Variants in CDH19 observed in about 807,000 individuals in gnomAD.
CDH19 encodes the protein cadherin 19, also known as cadherin-19.
CDH19 carries 67 observed loss-of-function variants against 64.2 expected under a neutral mutation model. The ratio of observed to expected loss-of-function variants is 1.04; its 90% confidence interval spans 0.86 to 1.28. The LOEUF (loss-of-function observed/expected upper bound fraction) is 1.28, where lower values mean the gene tolerates loss of function less well. Ranked by LOEUF, CDH19 falls within the 50% of genes most tolerant of loss-of-function variation. CDH19 has a pLI of 0.00. For missense variants in CDH19, 1,030 were observed against 929.0 expected (o/e 1.11, Z -1.41); for synonymous variants, 346 against 319.3 (o/e 1.08, Z -0.89).
At chr18:66,525,082 G>A (rs1185704224) in intron 9 of CDH19, among the ~76,000 whole-genome samples, 1 of 151,964 alleles carries the variant, frequency 6.6e-6, no homozygotes, top group Non-Finnish European at 1.5e-5. Flanking sequence ...TGTCCTAATG[G>A]TGTAGACATT....
intron 9 of CDH19, among the ~76,000 whole-genome samples, chr18:66,525,838 A>G (rs1986200633): frequency 6.6e-6 from 1 of 152,058 alleles, no homozygotes; most frequent in African/African-American, 2.4e-5. Context: ...GGACTGAGAC[A>G]GACTTCCAGA....
chr18:66,558,544 T>C (rs1048148142), intron 3 of CDH19, among the ~76,000 whole-genome samples: 5 of 151,894 alleles, frequency 3.3e-5, no homozygotes, highest in Non-Finnish European at 5.9e-5. Flanking sequence ...CATAAAGAGA[T>C]CACAATAATA....
chr18:66,578,754 T>A (rs1988338340), intron 1 of CDH19, among the ~76,000 whole-genome samples: 1 of 151,894 alleles, frequency 6.6e-6, no homozygotes, highest in Admixed American at 6.6e-5. Flanking sequence ...AAGTCAAATG[T>A]CTATCAACAA....
intron 9 of CDH19, among the ~76,000 whole-genome samples, chr18:66,528,390 T>C (rs1391870948): frequency 6.6e-6 from 1 of 152,132 alleles, no homozygotes; most frequent in African/African-American, 2.4e-5. Flanking sequence ...ATTTCTAAAA[T>C]AGTTCAATTT....
At chr18:66,537,212 A>G (rs1986708044) in intron 7 of CDH19, among the ~76,000 whole-genome samples, 1 of 151,918 alleles carries the variant, frequency 6.6e-6, no homozygotes, top group Admixed American at 6.6e-5. Flanking sequence ...GTAGAATCCA[A>G]TACGGCCTTT....
chr18:66,509,078 C>T lies in CDH19; in HGVS notation c.1745G>A (p.Cys582Tyr), dbSNP rs748560534. ...GGAAAGCACAAGCTCCTGGTACTGGCAGGTCTGTGTGCTCCCACTGTCACC... is the reference window on the plus strand; with the variant it reads ...GGAAAGCACAAGCTCCTGGTACTGGTAGGTCTGTGTGCTCCCACTGTCACC... ...DCGDSGSTQT[C>Y]QYQELVLSMG... The change falls in exon 11 of 12, where the codon TGC (cysteine) becomes TAC (tyrosine). Residue 582 changes from cysteine (C) to tyrosine (Y), a missense_variant. Cys to Tyr is a radical substitution (Grantham distance 194). Coordinates refer to ENST00000262150, the MANE Select transcript of CDH19 (RefSeq NM_021153.4). The T allele has an allele frequency of 6.2e-7, 1 of 1,612,676 alleles. No homozygotes were observed. The highest frequency in any genetic ancestry group is 1.3e-5 in the African/African-American group (1 of 74,786).
At chr18:66,565,855 C>T (rs1392789964) in intron 3 of CDH19, among the ~76,000 whole-genome samples, 1 of 151,910 alleles carries the variant, frequency 6.6e-6, no homozygotes, top group Non-Finnish European at 1.5e-5. Flanking sequence ...ACAAAGTGCT[C>T]ATTAGTTCTT....
At chr18:66,528,548 T>C (rs1464405738) in intron 9 of CDH19, among the ~76,000 whole-genome samples, 1 of 152,184 alleles carries the variant, frequency 6.6e-6, no homozygotes, top group African/African-American at 2.4e-5. Context: ...ATTCTATTAC[T>C]GTTTTCAAAA....
At chr18:66,552,191 C>T (rs1987368344) in intron 4 of CDH19, among the ~76,000 whole-genome samples, 2 of 151,880 alleles carry the variant, frequency 1.3e-5, no homozygotes. Flanking sequence ...TAAACTTGCA[C>T]ATTTACGCCC....
At position 66,501,852 on chromosome 18, in the gene CDH19, A is replaced by G. The variant is rs142919788; in HGVS notation, c.*2960T>C. 5.5e-4 allele frequency: 84 copies of G among 152,246 alleles called. No individual in the cohort carries two copies. Among genetic ancestry groups the G allele is most frequent in the African/African-American group, 1.9e-3 (81 of 41,562 alleles). 9.4% of individuals were successfully genotyped at this position (152,246 alleles called of 1,614,324 possible). A position where few individuals can be genotyped will look rare whatever the true frequency, so the allele number is the denominator to read the frequency against. On this transcript the variant is annotated 3_prime_UTR_variant, in exon 12 of 12. Coordinates refer to ENST00000262150, the MANE Select transcript of CDH19 (RefSeq NM_021153.4). ...TTATATGTTCGCTTAATTGAAAGTA[A>G]CTAATTCAAACAAAGATCTGTTAGG...
At chr18:66,531,086 T>C (rs1331254701) in intron 8 of CDH19, among the ~76,000 whole-genome samples, 2 of 152,068 alleles carry the variant, frequency 1.3e-5, no homozygotes, top group Non-Finnish European at 2.9e-5. Context: ...AAAATAACAA[T>C]GTAAACCGAC....
intron 8 of CDH19, among the ~76,000 whole-genome samples, chr18:66,531,637 A>G (rs963326178): frequency 1.3e-5 from 2 of 152,048 alleles, no homozygotes; most frequent in African/African-American, 4.8e-5. Flanking sequence ...TCAATGTAAC[A>G]CATTTTTATT....
chr18:66,530,207 C>T (rs1468576187), intron 8 of CDH19, among the ~76,000 whole-genome samples: 1 of 151,808 alleles, frequency 6.6e-6, no homozygotes, highest in East Asian at 1.9e-4. Context: ...TTGCCATGGG[C>T]TGTAATAAGT....
In CDH19 at chr18:66,504,692, T is replaced by A; in HGVS notation, c.*120A>T. Reference sequence around the variant, plus strand: ...CCATGGAGTATTTACTCCAGGGAAATCAGAAAACTCCATAGACTAGGGCTT... The same window carrying A: ...CCATGGAGTATTTACTCCAGGGAAAACAGAAAACTCCATAGACTAGGGCTT... On this transcript the variant is annotated 3_prime_UTR_variant, in exon 12 of 12. Transcript: ENST00000262150. 3.0e-6 allele frequency: 3 copies of A among 996,104 alleles called. No individual in the cohort carries two copies. The South Asian group carries it at 5.9e-5, about 19-fold the overall frequency. 61.7% of individuals were successfully genotyped at this position (996,104 alleles called of 1,614,324 possible).
chr18:66,533,654 C>G (rs1222119582), intron 8 of CDH19, among the ~76,000 whole-genome samples: 1 of 151,934 alleles, frequency 6.6e-6, no homozygotes, highest in African/African-American at 2.4e-5. Flanking sequence ...AGCTAGCATA[C>G]TGATAAATAG....
At chr18:66,559,754 G>T (rs934487265) in intron 3 of CDH19, among the ~76,000 whole-genome samples, 14 of 150,458 alleles carry the variant, frequency 9.3e-5, no homozygotes, top group Non-Finnish European at 3.0e-5. Context: ...TATATGAAAA[G>T]AAATAAAATA....
At chr18:66,561,332 G>GAAGATC (rs1987714836) in intron 3 of CDH19, among the ~76,000 whole-genome samples, 1 of 152,204 alleles carries the variant, frequency 6.6e-6, no homozygotes, top group East Asian at 1.9e-4. Context: ...GGGTAAAACT[G>GAAGATC]AAGATCTGGT....
At chr18:66,600,632 T>C (rs1441035604) in intron 1 of CDH19, among the ~76,000 whole-genome samples, 1 of 151,930 alleles carries the variant, frequency 6.6e-6, no homozygotes, top group African/African-American at 2.4e-5. Context: ...TTGTATAAAA[T>C]GACATGAAAG....
At chr18:66,545,965 C>A in intron 5 of CDH19, among the ~76,000 whole-genome samples, 1 of 148,724 alleles carries the variant, frequency 6.7e-6, no homozygotes, top group African/African-American at 2.5e-5. Flanking sequence ...TTTTATTTTT[C>A]AGGAGTAACT....
Sources: allele counts gnomAD v4.1 joint callset (sites outside exome capture counted in the v4.1 genomes callset), GRCh38; gene constraint gnomAD v4.1.1; transcripts MANE v1.5; gene names NCBI Gene and HGNC (gene_info 2026-07-23, HGNC 2026-07-21).